Variants in BCAS1 observed in about 807,000 individuals in gnomAD.
BCAS1 encodes the protein breast carcinoma-amplified sequence 1.
A neutral mutation model predicts 65.4 loss-of-function variants in BCAS1; 46 were observed. The observed-to-expected ratio is 0.70, with a 90% confidence interval of 0.55 to 0.90. BCAS1 has a LOEUF of 0.90. Among genes scored for constraint, BCAS1 ranks in the 40% least tolerant of loss-of-function variants. BCAS1 has a pLI of 0.00. For synonymous variants in BCAS1, 298 were observed against 293.5 expected, an observed-to-expected ratio of 1.02 and a Z score of -0.16; for missense variants, 793 against 771.2, an observed-to-expected ratio of 1.03 and a Z score of -0.33.
intron 4 of BCAS1, among the ~76,000 whole-genome samples, chr20:54,025,313 G>T (rs140559670): frequency 6.6e-6 from 1 of 152,094 alleles, no homozygotes; most frequent in Admixed American, 6.6e-5. Context: ...TTACAGCTCT[G>T]GTTCAGTTGT....
rs779671986 is a variant in BCAS1, at chr20:53,953,673, G to A, written c.1574C>T (p.Thr525Ile). ...TGGTTCAGGCTCTGGCGGTGTGATA[G>A]TCTTTTCTGTGGAGTCTGATGTCTA... is the stretch of plus-strand genomic sequence containing the variant. ...SCQTSDSTEKTITPPEPEPTG... is the reference protein window; with the variant it reads ...SCQTSDSTEKIITPPEPEPTG... The change falls in exon 12 of 13, where the codon ACT becomes ATT. Residue 525 changes from threonine to isoleucine, a missense_variant. By Grantham distance (89) the Thr-to-Ile change is moderately conservative. Coordinates refer to ENST00000688948, the MANE Select transcript of BCAS1 (RefSeq NM_001366298.2). 2.5e-6 allele frequency: 4 copies of A among 1,613,708 alleles called. No individual in the cohort carries two copies. In the South Asian group the frequency reaches 3.3e-5, roughly 13 times the overall value.
At position 53,995,955 on chromosome 20, in the gene BCAS1, G is replaced by A. The variant is rs146823292; in HGVS notation, c.819C>T (p.Asp273=). Residue 273 remains aspartate (D), a synonymous_variant, in exon 5 of 13, where the codon GAC becomes GAT. Transcript: ENST00000688948. ...CTGCTATAGCTGCTGCCTGGGAATC[G>A]TCCTTTGCAGTCTCCAGTCCTTCTG... ...GDPEGLETAK[D]DSQAAAIAEN... 45 of 1,613,360 alleles carry A rather than the reference G, an allele frequency of 2.8e-5. No homozygotes were observed. The highest frequency in any genetic ancestry group is 4.0e-5 in the African/African-American group (3 of 74,890).
intron 1 of BCAS1, among the ~76,000 whole-genome samples, chr20:54,067,217 A>C (rs767511860): frequency 7.2e-5 from 11 of 152,338 alleles, no homozygotes; most frequent in Non-Finnish European, 1.6e-4. Context: ...TCTACTAAAA[A>C]TACAAAAATT....
At chr20:53,966,810 A>G in intron 10 of BCAS1, 96 bp downstream of exon 10, 2 of 1,206,588 alleles carry the variant, frequency 1.7e-6, no homozygotes, top group Non-Finnish European at 2.3e-6. Context: ...CACACCAGCT[A>G]CAATTATGTC....
At chr20:54,019,113 C>T (rs961805887) in intron 4 of BCAS1, among the ~76,000 whole-genome samples, 1 of 152,196 alleles carries the variant, frequency 6.6e-6, no homozygotes, top group African/African-American at 2.4e-5. Context: ...CTACAGATGG[C>T]TAGTTTTCAA....
chr20:54,046,516 G>A (rs1339610648), intron 3 of BCAS1, among the ~76,000 whole-genome samples: 6 of 125,528 alleles, frequency 4.8e-5, no homozygotes, highest in African/African-American at 1.2e-4. Flanking sequence ...TGGACAGCGC[G>A]AGACTCCATC....
chr20:54,056,363 C>A (rs550836234), intron 3 of BCAS1, among the ~76,000 whole-genome samples: 1 of 152,042 alleles, frequency 6.6e-6, no homozygotes, highest in Non-Finnish European at 1.5e-5. Flanking sequence ...GGACAGAAAC[C>A]AAATACTGCA....
At chr20:54,035,400 C>CAAAAAAAAAAAA (rs1288429763) in intron 3 of BCAS1, among the ~76,000 whole-genome samples, 3 of 62,048 alleles carry the variant, frequency 4.8e-5, no homozygotes, top group African/African-American at 2.1e-4. Flanking sequence ...GACTCCGTCT[C>CAAAAAAAAAAAA]AAAAAAAAAA....
chr20:54,000,310 T>C (rs1194409148), intron 4 of BCAS1, among the ~76,000 whole-genome samples: 1 of 152,158 alleles, frequency 6.6e-6, no homozygotes, highest in East Asian at 1.9e-4. Context: ...CAAAGAGTTA[T>C]CTGGCTCTCA....
intron 4 of BCAS1, among the ~76,000 whole-genome samples, chr20:54,025,432 G>A (rs1366513570): frequency 6.6e-6 from 1 of 152,184 alleles, no homozygotes; most frequent in Non-Finnish European, 1.5e-5. Context: ...GGCCTATGTA[G>A]TAAACGCTTC....
chr20:54,011,780 A>G (rs2091326269), intron 4 of BCAS1, among the ~76,000 whole-genome samples: 2 of 152,190 alleles, frequency 1.3e-5, no homozygotes, highest in Non-Finnish European at 1.5e-5. Flanking sequence ...TGAGACGGGA[A>G]GATCACTTGA....
chr20:54,023,978 A>G (rs1051975719), intron 4 of BCAS1, among the ~76,000 whole-genome samples: 4 of 152,244 alleles, frequency 2.6e-5, no homozygotes, highest in Non-Finnish European at 5.9e-5. Flanking sequence ...TAATACTGGT[A>G]ATAGCTAATT....
chr20:54,060,309 T>C (rs1397656880), intron 1 of BCAS1, among the ~76,000 whole-genome samples: 1 of 152,220 alleles, frequency 6.6e-6, no homozygotes, highest in African/African-American at 2.4e-5. Context: ...TTCTAAGTTA[T>C]GAATAAAAGT....
chr20:53,990,609 C>T (rs2090732001), intron 7 of BCAS1, among the ~76,000 whole-genome samples: 1 of 152,094 alleles, frequency 6.6e-6, no homozygotes, highest in African/African-American at 2.4e-5. Flanking sequence ...GAGAGTATCA[C>T]ACCTCCTAAA....
intron 4 of BCAS1, among the ~76,000 whole-genome samples, chr20:54,019,090 G>T (rs1264986185): frequency 6.6e-6 from 1 of 152,128 alleles, no homozygotes; most frequent in Non-Finnish European, 1.5e-5. Context: ...ATGCATCTCT[G>T]GCTAGAGGCC....
intron 9 of BCAS1, among the ~76,000 whole-genome samples, chr20:53,970,263 G>A (rs1481211374): frequency 6.6e-6 from 1 of 152,132 alleles, no homozygotes; most frequent in African/African-American, 2.4e-5. Context: ...CCATTCTCCA[G>A]AACACAACTA....
intron 4 of BCAS1, among the ~76,000 whole-genome samples, chr20:54,003,623 A>G (rs1376655713): frequency 7.3e-6 from 1 of 136,168 alleles, no homozygotes; most frequent in Non-Finnish European, 1.7e-5. Context: ...CAAAAAGCAC[A>G]TTTTGGTGAG....
intron 4 of BCAS1, among the ~76,000 whole-genome samples, chr20:54,024,021 C>A (rs528348000): frequency 6.6e-6 from 1 of 152,148 alleles, no homozygotes; most frequent in Non-Finnish European, 1.5e-5. Flanking sequence ...GCAATTTGTG[C>A]TAAGTACTTT....
intron 3 of BCAS1, among the ~76,000 whole-genome samples, chr20:54,031,814 T>C (rs2091807145): frequency 1.3e-5 from 2 of 151,182 alleles, no homozygotes; most frequent in African/African-American, 2.4e-5. Context: ...AGTCCCTGTT[T>C]CACTTGTAAA....
Sources: gnomAD v4.1 joint callset for allele counts (sites outside exome capture counted in the v4.1 genomes callset) on GRCh38, gnomAD v4.1.1 for gene constraint, MANE v1.5 for transcripts, NCBI Gene and HGNC (gene_info 2026-07-23, HGNC 2026-07-21) for gene names.